The following NHERF1 variants were observed in gnomAD, a reference collection of about 807,000 sequenced individuals.
The protein encoded by NHERF1 is Na(+)/H(+) exchange regulatory cofactor NHE-RF1.
chr17:74,768,315 C>T, the NHERF1 span: 1 of 1,393,512 alleles, frequency 7.2e-7, no homozygotes, highest in Non-Finnish European at 1.0e-6. Context: ...GGCACACCAG[C>T]CTGCCTTTGA....
the NHERF1 span, among the ~76,000 whole-genome samples, chr17:74,755,425 G>A: frequency 6.6e-6 from 1 of 152,156 alleles, no homozygotes; most frequent in Non-Finnish European, 1.5e-5. Flanking sequence ...ACTGTTGACC[G>A]AAGCCTTCCC....
the NHERF1 span, among the ~76,000 whole-genome samples, chr17:74,752,148 G>T: frequency 1.3e-5 from 2 of 152,184 alleles, no homozygotes; most frequent in Non-Finnish European, 2.9e-5. Flanking sequence ...AGAATGATAC[G>T]TTGTGGCCAG....
At chr17:74,763,430 G>A in the NHERF1 span, 31 of 1,613,958 alleles carry the variant, frequency 1.9e-5, no homozygotes, top group African/African-American at 2.7e-5. Context: ...CAGGGCTGGC[G>A]GGGACGAGAC....
At chr17:74,758,167 G>T in the NHERF1 span, among the ~76,000 whole-genome samples, 1 of 152,238 alleles carries the variant, frequency 6.6e-6, no homozygotes, top group Non-Finnish European at 1.5e-5. The surrounding 1 kb of genome is among the most constrained non-coding windows in gnomAD (Gnocchi z 4.3). Context: ...TGGGATTAGG[G>T]TATCGACTTT....
chr17:74,755,559 C>A, the NHERF1 span, among the ~76,000 whole-genome samples: 9 of 152,318 alleles, frequency 5.9e-5, no homozygotes, highest in African/African-American at 2.2e-4. Flanking sequence ...GGTGTGGGAA[C>A]ACACAGAGAA....
chr17:74,766,933 T>C, the NHERF1 span: 56 of 1,613,982 alleles, frequency 3.5e-5, 1 homozygote, highest in South Asian at 5.5e-5. Context: ...GTCCTTTGCC[T>C]AGGTCCCCTG....
the NHERF1 span, chr17:74,748,879 GC>G: frequency 6.3e-7 from 1 of 1,597,050 alleles, no homozygotes. The surrounding 1 kb of genome is among the most constrained non-coding windows in gnomAD (Gnocchi z 4.3). Flanking sequence ...GGGCGCCCCT[GC>G]CCCGGCTCTG....
chr17:74,759,705 CT>C, the NHERF1 span, among the ~76,000 whole-genome samples: 23 of 152,262 alleles, frequency 1.5e-4, no homozygotes, highest in Non-Finnish European at 2.8e-4. Context: ...GAGAGAGCCC[CT>C]GTCTGCCCTC....
chr17:74,768,757 C>T, the NHERF1 span: 2 of 954,920 alleles, frequency 2.1e-6, no homozygotes, highest in African/African-American at 3.3e-5. Flanking sequence ...TACAAATCAG[C>T]ACCCACATCC....
chr17:74,748,997 G>A, the NHERF1 span: 2 of 1,609,418 alleles, frequency 1.2e-6, no homozygotes, highest in Admixed American at 3.3e-5. This position sits in a 1 kb window ranked among gnomAD's most constrained non-coding sequence, Gnocchi z 4.3. Context: ...GGCCGAGAAG[G>A]CGGGGCTGCT....
At chr17:74,750,828 A>G in the NHERF1 span, among the ~76,000 whole-genome samples, 7 of 110,518 alleles carry the variant, frequency 6.3e-5, no homozygotes, top group Admixed American at 3.0e-4. Flanking sequence ...CCTTTTGGTT[A>G]TGCTGCTGGG....
chr17:74,751,633 C>G, the NHERF1 span, among the ~76,000 whole-genome samples: 2 of 152,144 alleles, frequency 1.3e-5, no homozygotes, highest in Admixed American at 6.5e-5. This position sits in a 1 kb window ranked among gnomAD's most constrained non-coding sequence, Gnocchi z 4.3. Context: ...TCCAGCTCTG[C>G]CCACCGGCTT....
chr17:74,763,530 G>A, the NHERF1 span: 2 of 1,579,394 alleles, frequency 1.3e-6, no homozygotes, highest in Non-Finnish European at 1.7e-6. Context: ...GGTAAGCCAG[G>A]TGGGGCCACT....
the NHERF1 span, chr17:74,748,741 C>A: frequency 9.4e-7 from 1 of 1,059,990 alleles, no homozygotes; most frequent in Non-Finnish European, 1.3e-6. This position sits in a 1 kb window ranked among gnomAD's most constrained non-coding sequence, Gnocchi z 4.3. Flanking sequence ...CGGCTCAGGG[C>A]TTCTCTGCTG....
At chr17:74,762,070 AC>A in the NHERF1 span, 1 of 1,614,114 alleles carries the variant, frequency 6.2e-7, no homozygotes, top group South Asian at 1.1e-5. This position sits in a 1 kb window ranked among gnomAD's most constrained non-coding sequence, Gnocchi z 4.2. Flanking sequence ...TATGGCTTCA[AC>A]CTGCACAGCG....
chr17:74,754,380 T>C, the NHERF1 span, among the ~76,000 whole-genome samples: 1 of 141,784 alleles, frequency 7.1e-6, no homozygotes, highest in African/African-American at 2.6e-5. Flanking sequence ...CATTTCTTTC[T>C]TTCTTTCTTT....
chr17:74,759,455 G>A, the NHERF1 span, among the ~76,000 whole-genome samples: 6 of 152,156 alleles, frequency 3.9e-5, no homozygotes. Flanking sequence ...AGGGCCAGAG[G>A]ATGGGCATCC....
the NHERF1 span, chr17:74,748,917 A>C: frequency 6.2e-7 from 1 of 1,601,544 alleles, no homozygotes; most frequent in East Asian, 2.2e-5. The surrounding 1 kb of genome is among the most constrained non-coding windows in gnomAD (Gnocchi z 4.3). Flanking sequence ...CCGAACGGCT[A>C]CGGCTTCCAC....
the NHERF1 span, chr17:74,766,817 T>C: frequency 4.1e-6 from 4 of 986,838 alleles, no homozygotes; most frequent in African/African-American, 1.6e-5. Flanking sequence ...GTCAAAAAAG[T>C]TTGAGATGTT....
Sources: gnomAD v4.1 joint callset for allele counts (sites outside exome capture counted in the v4.1 genomes callset) on GRCh38, gnomAD v4.1.1 for gene constraint, Gnocchi (gnomAD v3.1) non-coding constraint, MANE v1.5 for transcripts, NCBI Gene and HGNC (gene_info 2026-07-23, HGNC 2026-07-21) for gene names.